PTPRN2: variants seen among roughly 807,000 people sequenced by gnomAD.
PTPRN2 encodes the protein protein tyrosine phosphatase receptor type N2.
A neutral mutation model predicts 118.8 loss-of-function variants in PTPRN2; 74 were observed. The observed-to-expected ratio is 0.62, with a 90% CI of 0.52 to 0.76. PTPRN2 has a LOEUF of 0.76. PTPRN2 is among the 30% of genes least tolerant of loss of function. The pLI, the probability that PTPRN2 is intolerant of heterozygous loss-of-function variation, is 0.00. For missense variants in PTPRN2, 1,481 were observed against 1,394.4 expected, an observed-to-expected ratio of 1.06 and a Z score of -0.99; for synonymous variants, 641 against 608.0, an observed-to-expected ratio of 1.05 and a Z score of -0.80.
intron 12 of PTPRN2, among the ~76,000 whole-genome samples, chr7:157,851,263 G>A (rs1188441722): frequency 6.6e-6 from 1 of 152,224 alleles, no homozygotes; most frequent in African/African-American, 2.4e-5. Flanking sequence ...CAAATGCACT[G>A]TTTAAATAAT....
chr7:158,076,058 G>A (rs1812332773), intron 11 of PTPRN2, among the ~76,000 whole-genome samples: 1 of 152,254 alleles, frequency 6.6e-6, no homozygotes, highest in Non-Finnish European at 1.5e-5. Flanking sequence ...GCAGGTCCTT[G>A]GAGAGTCACT....
chr7:158,281,937 TC>T (rs1247132075), intron 3 of PTPRN2, among the ~76,000 whole-genome samples: 3 of 152,220 alleles, frequency 2.0e-5, no homozygotes, highest in African/African-American at 7.2e-5. Flanking sequence ...AAGCCATTTC[TC>T]CTTCCAGAGG....
intron 10 of PTPRN2, among the ~76,000 whole-genome samples, chr7:158,105,454 C>T (rs1369513934): frequency 6.6e-6 from 1 of 151,600 alleles, no homozygotes; most frequent in Non-Finnish European, 1.5e-5. Context: ...CCATCAAACT[C>T]CACCCTAGCT....
At chr7:157,675,830 G>A (rs1188842468) in intron 13 of PTPRN2, among the ~76,000 whole-genome samples, 3 of 152,174 alleles carry the variant, frequency 2.0e-5, no homozygotes, top group Non-Finnish European at 1.5e-5. Context: ...TGAGGAAGGC[G>A]GCCTTCGGGA....
intron 3 of PTPRN2, among the ~76,000 whole-genome samples, chr7:158,235,157 C>T (rs59137399): frequency 0.037 from 5,674 of 152,198 alleles, 117 homozygotes; most frequent in Middle Eastern, 0.068. Flanking sequence ...TGTAAATTAG[C>T]GCAGCCACTA....
intron 2 of PTPRN2, among the ~76,000 whole-genome samples, chr7:158,400,244 G>A (rs1189100097): frequency 6.6e-6 from 1 of 152,152 alleles, no homozygotes; most frequent in Admixed American, 6.5e-5. Flanking sequence ...GAAGACCAAT[G>A]TCTTAGTCAC....
intron 2 of PTPRN2, 34 bp downstream of exon 2, chr7:158,489,701 G>T: frequency 6.4e-7 from 1 of 1,554,616 alleles, no homozygotes; most frequent in South Asian, 1.2e-5. Context: ...GAGAGGGGCA[G>T]ACCAGGGCGC....
rs149877825 is a variant in PTPRN2, at chr7:158,090,101, T to C, written c.1644-8724A>G. Among the ~76,000 whole-genome samples, 84 of 24,446 alleles carry C rather than the reference T, an allele frequency of 3.4e-3. 25 individuals are homozygous for C. Among genetic ancestry groups the C allele is most frequent in the African/African-American group, 9.5e-3 (79 of 8,286 alleles). 16.0% of individuals were successfully genotyped at this position (24,446 alleles called of 152,430 possible). On this transcript the variant is annotated intron_variant, in intron 10 of 22. Transcript: ENST00000389418. ...ATGAAAGAGGGGGTCTTCACACACATCCTTCTTCCCCTGACAAAAGAGGGA... is the reference window on the plus strand; with the variant it reads ...ATGAAAGAGGGGGTCTTCACACACACCCTTCTTCCCCTGACAAAAGAGGGA...
Position 158,531,852 on chromosome 7 carries a change from G to A in PTPRN2, c.113-42067C>T, listed in dbSNP as rs147094912. Among the ~76,000 whole-genome samples, 112 of 152,242 alleles carry A rather than the reference G, an allele frequency of 7.4e-4. 1 individual carries two copies. The East Asian group carries it at 0.017, about 23-fold the overall frequency. On this transcript the variant is annotated intron_variant, in intron 1 of 22. Transcript: ENST00000389418. Reference sequence around the variant, plus strand: ...CAAACACATGCCTCCTCCCAGCCACGCTGGCTCCAACCTACTAGGCACCTG... The same window carrying A: ...CAAACACATGCCTCCTCCCAGCCACACTGGCTCCAACCTACTAGGCACCTG...
chr7:158,559,977 C>A (rs1389630258), intron 1 of PTPRN2, among the ~76,000 whole-genome samples: 2 of 152,228 alleles, frequency 1.3e-5, no homozygotes, highest in Non-Finnish European at 2.9e-5. Flanking sequence ...CTCACCTTCC[C>A]AAACTGAAAC....
intron 1 of PTPRN2, among the ~76,000 whole-genome samples, chr7:158,502,167 C>A (rs1324303989): frequency 6.6e-6 from 1 of 152,162 alleles, no homozygotes; most frequent in East Asian, 1.9e-4. Flanking sequence ...CTGGGGTAGG[C>A]AAACCATGGT....
intron 11 of PTPRN2, among the ~76,000 whole-genome samples, chr7:157,982,886 C>T (rs1803408822): frequency 6.9e-6 from 1 of 145,552 alleles, no homozygotes; most frequent in Non-Finnish European, 1.5e-5. Flanking sequence ...CCCCTAAACC[C>T]CGAGTCACAG....
intron 12 of PTPRN2, among the ~76,000 whole-genome samples, chr7:157,873,301 A>G (rs902353086): frequency 2.8e-4 from 43 of 152,250 alleles, no homozygotes; most frequent in African/African-American, 1.0e-3. Flanking sequence ...GAAAGAAAGC[A>G]GCCGCCTGGC....
At chr7:158,503,280 C>A (rs1469988746) in intron 1 of PTPRN2, among the ~76,000 whole-genome samples, 1 of 152,268 alleles carries the variant, frequency 6.6e-6, no homozygotes, top group Non-Finnish European at 1.5e-5. Flanking sequence ...TCCAAACTCA[C>A]ATTTGACTCA....
chr7:158,530,986 G>A (rs1825187754), intron 1 of PTPRN2, among the ~76,000 whole-genome samples: 2 of 152,316 alleles, frequency 1.3e-5, no homozygotes, highest in East Asian at 1.9e-4. Flanking sequence ...ATGCGGATGT[G>A]TGTGGCCACA....
intron 6 of PTPRN2, among the ~76,000 whole-genome samples, chr7:158,146,218 C>T (rs1293029791): frequency 2.6e-5 from 4 of 152,106 alleles, no homozygotes; most frequent in Non-Finnish European, 4.4e-5. Context: ...TTCCAACTTG[C>T]TCAAGATCTA....
chr7:157,623,341 A>G (rs1803379880), intron 14 of PTPRN2, among the ~76,000 whole-genome samples: 2 of 152,226 alleles, frequency 1.3e-5, no homozygotes, highest in Admixed American at 6.5e-5. Context: ...AGTTGGGCTT[A>G]CGTAGAGTTC....
At chr7:158,475,691 G>C (rs368945867) in intron 2 of PTPRN2, among the ~76,000 whole-genome samples, 1 of 152,152 alleles carries the variant, frequency 6.6e-6, no homozygotes, top group Non-Finnish European at 1.5e-5. Flanking sequence ...CAGGCCTGTG[G>C]GGTCAAGCAG....
intron 2 of PTPRN2, among the ~76,000 whole-genome samples, chr7:158,394,982 T>G (rs1812232547): frequency 6.6e-6 from 1 of 152,218 alleles, no homozygotes; most frequent in Admixed American, 6.5e-5. Context: ...CAGGAGGCCC[T>G]GCCCGTCCAC....
Sources: gnomAD v4.1 joint callset for allele counts (sites outside exome capture counted in the v4.1 genomes callset) on GRCh38, gnomAD v4.1.1 for gene constraint, MANE v1.5 for transcripts, NCBI Gene and HGNC (gene_info 2026-07-23, HGNC 2026-07-21) for gene names.